The following PROS1 variants were observed in gnomAD, a reference collection of about 807,000 sequenced individuals.
PROS1 encodes vitamin K-dependent protein S.
PROS1 carries 29 observed loss-of-function variants against 75.9 expected under a neutral mutation model. The observed-to-expected ratio is 0.38, with a 90% CI of 0.28 to 0.52. PROS1 has a LOEUF of 0.52. Among genes scored for constraint, PROS1 ranks in the 20% least tolerant of loss-of-function variants. The pLI is 0.83. For synonymous variants in PROS1, 245 were observed against 280.6 expected (o/e 0.87, Z 1.27); for missense variants, 680 against 810.3 (o/e 0.84, Z 1.95).
chr3:93,924,894 C>G (rs1708995230), intron 2 of PROS1, among the ~76,000 whole-genome samples: 3 of 151,990 alleles, frequency 2.0e-5, no homozygotes, highest in Admixed American at 2.0e-4. Context: ...GCCTCAAACT[C>G]CTGGGCTCAA....
At chr3:93,955,379 T>C (rs1455193533) in intron 1 of PROS1, among the ~76,000 whole-genome samples, 2 of 152,154 alleles carry the variant, frequency 1.3e-5, no homozygotes, top group African/African-American at 4.8e-5. Flanking sequence ...ATATACACCA[T>C]GGAATACTAT....
rs767653920 is a variant in PROS1 at position 93,892,935 on chromosome 3, T to C, written c.1153A>G (p.Met385Val). The stretch of plus-strand genomic sequence containing the variant: ...ATTGATGAAATCTGCAAACGTACCA[T>C]ATTCCATAGACCATTATTAATAACA... Reference protein sequence around the residue: ...GDVINNGLWNMVSVEELEHSI... With the variant: ...GDVINNGLWNVVSVEELEHSI... The change falls in exon 10 of 15, where the codon ATG becomes GTG. Residue 385 changes from methionine (M) to valine (V), a missense_variant and splice_region_variant. Coordinates refer to ENST00000394236, the MANE Select transcript of PROS1 (RefSeq NM_000313.4). 19 of 1,609,890 alleles carry C rather than the reference T, an allele frequency of 1.2e-5. No individual in the cohort carries two copies. Among genetic ancestry groups the C allele is most frequent in the East Asian group, 2.2e-5 (1 of 44,850 alleles).
At chr3:93,919,189 T>C (rs886918399) in intron 3 of PROS1, among the ~76,000 whole-genome samples, 1 of 152,202 alleles carries the variant, frequency 6.6e-6, no homozygotes, top group African/African-American at 2.4e-5. Context: ...TTGGAATAGA[T>C]ACCCAGTGGT....
At chr3:93,960,917 C>A (rs1424195601) in intron 1 of PROS1, among the ~76,000 whole-genome samples, 15 of 148,708 alleles carry the variant, frequency 1.0e-4, no homozygotes, top group Non-Finnish European at 2.2e-4. Context: ...AATAAAATAA[C>A]CAATAAAACA....
At chr3:93,877,609 A>G (rs577453326) in intron 13 of PROS1, among the ~76,000 whole-genome samples, 6 of 152,340 alleles carry the variant, frequency 3.9e-5, no homozygotes. Flanking sequence ...ATATGCCAGC[A>G]GGACTAACAG....
In PROS1 at chr3:93,956,162, C is replaced by T. The variant is rs142963949; in HGVS notation, c.76+17512G>A. 2.7e-3 allele frequency among the ~76,000 whole-genome samples: 407 copies of T among 152,084 alleles called. 2 individuals carry two copies. Among genetic ancestry groups the T allele is most frequent in the African/African-American group, 8.1e-3 (337 of 41,490 alleles). ...TTCAAAGGTATCTACAAATATACAGCGGTAGGATAGTAGTATCTTTTATTG... is the reference window on the plus strand; with the variant it reads ...TTCAAAGGTATCTACAAATATACAGTGGTAGGATAGTAGTATCTTTTATTG... On this transcript the variant is annotated intron_variant, in intron 1 of 14. Coordinates refer to ENST00000394236, the MANE Select transcript of PROS1 (RefSeq NM_000313.4).
chr3:93,909,366 T>A (rs930370860), intron 4 of PROS1, among the ~76,000 whole-genome samples: 6 of 149,880 alleles, frequency 4.0e-5, no homozygotes, highest in African/African-American at 4.9e-5. Flanking sequence ...ACCTAGGAGG[T>A]TGAGGCTGCA....
chr3:93,886,960 A>G (rs1214680430), intron 10 of PROS1, among the ~76,000 whole-genome samples: 11 of 139,792 alleles, frequency 7.9e-5, no homozygotes, highest in Non-Finnish European at 1.5e-4. Context: ...CGCCCAGGCC[A>G]GACTGCGGAC....
In PROS1 at chr3:93,970,291, C is replaced by T. The variant is rs540699286; in HGVS notation, c.76+3383G>A. 1.1e-4 allele frequency among the ~76,000 whole-genome samples: 17 copies of T among 152,286 alleles called. No individual in the cohort carries two copies. The East Asian group carries it at 3.1e-3, about 28-fold the overall frequency. On this transcript the variant is annotated intron_variant, in intron 1 of 14. Transcript: ENST00000394236. ...TCCTCTTTCTCCTATTTCCTCACCA[C>T]ATGCCTTAAGTGGGAAATGATTAAA...
chr3:93,897,585 C>T (rs1335137212), intron 8 of PROS1, among the ~76,000 whole-genome samples: 2 of 151,992 alleles, frequency 1.3e-5, no homozygotes, highest in Non-Finnish European at 2.9e-5. Context: ...ACAACAAATG[C>T]CAACTAGCTT....
At chr3:93,929,717 T>G (rs2107207263) in intron 1 of PROS1, among the ~76,000 whole-genome samples, 1 of 152,362 alleles carries the variant, frequency 6.6e-6, no homozygotes. Context: ...GACAAACTGC[T>G]AATACAACAA....
At chr3:93,899,070 A>G (rs926057904) in intron 7 of PROS1, among the ~76,000 whole-genome samples, 4 of 152,072 alleles carry the variant, frequency 2.6e-5, no homozygotes, top group Non-Finnish European at 5.9e-5. Context: ...ACAATCAGGA[A>G]TTAAATGACA....
chr3:93,954,074 G>A (rs1245662516), intron 1 of PROS1, among the ~76,000 whole-genome samples: 2 of 152,000 alleles, frequency 1.3e-5, no homozygotes, highest in East Asian at 1.9e-4. Context: ...AAATAAAAGA[G>A]GACACACAAA....
chr3:93,941,350 A>T (rs1052234789), intron 1 of PROS1, among the ~76,000 whole-genome samples: 1 of 152,158 alleles, frequency 6.6e-6, no homozygotes, highest in African/African-American at 2.4e-5. Flanking sequence ...AACTTGGCAT[A>T]GTTCTTCATG....
At position 93,879,328 on chromosome 3, in the gene PROS1, T is replaced by A; in HGVS notation, c.1493-14A>T. 6.2e-7 allele frequency: 1 copy of A among 1,613,506 alleles called. No individual in the cohort carries two copies. ...TGGATACATTATCTATTTAAAATAA[T>A]GAAACAGAAGCATGATCAATGCACT... On this transcript the variant is annotated splice_polypyrimidine_tract_variant and intron_variant, in intron 12 of 14. Coordinates refer to ENST00000394236, the MANE Select transcript of PROS1 (RefSeq NM_000313.4).
chr3:93,884,498 A>G (rs932931081), intron 12 of PROS1, among the ~76,000 whole-genome samples: 1 of 152,232 alleles, frequency 6.6e-6, no homozygotes, highest in Non-Finnish European at 1.5e-5. Context: ...GAATCAGGCT[A>G]TGTACTGATA....
At chr3:93,927,991 G>A (rs1277956088) in intron 1 of PROS1, among the ~76,000 whole-genome samples, 9 of 15,170 alleles carry the variant, frequency 5.9e-4, no homozygotes, top group African/African-American at 1.9e-3. Context: ...ATGTGTGTGT[G>A]TGTATATATA....
At chr3:93,912,854 T>A (rs1576190879) in intron 3 of PROS1, among the ~76,000 whole-genome samples, 1 of 152,108 alleles carries the variant, frequency 6.6e-6, no homozygotes, top group African/African-American at 2.4e-5. Context: ...AGGCCCCACC[T>A]CCCAACACTG....
At position 93,947,294 on chromosome 3, in the gene PROS1, C is replaced by T. The variant is rs181078267; in HGVS notation, c.77-19887G>A. On this transcript the variant is annotated intron_variant, in intron 1 of 14. Transcript: ENST00000394236. ...CTCAAGGATCTGGAATCAACAGATG[C>T]TGAGAATAAGCATCACATTAACTAT... Among the ~76,000 whole-genome samples the T allele has an allele frequency of 4.3e-3, 659 of 152,266 alleles. 5 individuals carry two copies. The highest frequency in any genetic ancestry group is 7.0e-3 in the Admixed American group (107 of 15,288).
Sources: allele counts gnomAD v4.1 joint callset (sites outside exome capture counted in the v4.1 genomes callset), GRCh38; gene constraint gnomAD v4.1.1; transcripts MANE v1.5; gene names NCBI Gene and HGNC (gene_info 2026-07-23, HGNC 2026-07-21).